Variants in CENPU observed in about 807,000 individuals in gnomAD.
CENPU encodes the protein centromere protein U.
A neutral mutation model predicts 56.7 loss-of-function variants in CENPU; 46 were observed. That is an observed-to-expected ratio of 0.81 (90% CI 0.64 to 1.04). The LOEUF is 1.04. Ranked by LOEUF, CENPU falls within the 50% of genes least tolerant of loss-of-function variation. CENPU has a pLI of 0.00. For missense variants in CENPU, 510 were observed against 490.1 expected, an observed-to-expected ratio of 1.04 and a Z score of -0.38; for synonymous variants, 166 against 163.0, an observed-to-expected ratio of 1.02 and a Z score of -0.14.
intron 7 of CENPU, 72 bp from the exon 8 acceptor site, chr4:184,710,252 G>A: frequency 1.1e-6 from 1 of 932,070 alleles, no homozygotes; most frequent in South Asian, 1.6e-5. Flanking sequence ...CTGAAAGCCT[G>A]ACACAAAAAT....
At chr4:184,720,917 G>T (rs1272183060) in intron 4 of CENPU, among the ~76,000 whole-genome samples, 1 of 152,106 alleles carries the variant, frequency 6.6e-6, no homozygotes, top group Non-Finnish European at 1.5e-5. Flanking sequence ...GGACATTAAT[G>T]AGCAGTATAA....
intron 2 of CENPU, among the ~76,000 whole-genome samples, chr4:184,729,397 T>C (rs1761562788): frequency 6.6e-6 from 1 of 152,232 alleles, no homozygotes; most frequent in Middle Eastern, 3.2e-3. Flanking sequence ...GTAAGGTTTC[T>C]GTTTTGACTA....
At chr4:184,726,690 T>C (rs1332373632) in intron 3 of CENPU, among the ~76,000 whole-genome samples, 3 of 152,172 alleles carry the variant, frequency 2.0e-5, no homozygotes, top group Non-Finnish European at 2.9e-5. Context: ...TTAGTATTAA[T>C]AGCAGAATTA....
At position 184,730,917 on chromosome 4, in the gene CENPU, T is replaced by C. The variant is rs1050213777; in HGVS notation, c.96+3A>G. 6 of 1,578,224 alleles carry C rather than the reference T, an allele frequency of 3.8e-6. No individual in the cohort carries two copies. The highest frequency in any genetic ancestry group is 5.1e-6 in the Non-Finnish European group (6 of 1,169,682). ...AAAACCACAACACAAAAAGGTAACTTACATCTTTCATGGAATGTGTTCTTT... is the reference window on the plus strand; with the variant it reads ...AAAACCACAACACAAAAAGGTAACTCACATCTTTCATGGAATGTGTTCTTT... On this transcript the variant is annotated splice_donor_region_variant and intron_variant, in intron 2 of 12. Transcript: ENST00000281453.
intron 1 of CENPU, 135 bp downstream of exon 1, chr4:184,733,881 G>T (rs1227512275): frequency 1.7e-6 from 2 of 1,172,044 alleles, no homozygotes; most frequent in African/African-American, 1.5e-5. Flanking sequence ...GGAAGCCGGG[G>T]ACCCGGGCGA....
At chr4:184,705,078 T>C (rs1380571626) in intron 8 of CENPU, among the ~76,000 whole-genome samples, 4 of 152,102 alleles carry the variant, frequency 2.6e-5, no homozygotes, top group Non-Finnish European at 5.9e-5. Context: ...TGGGCATTTA[T>C]CCCAGAGAAA....
intron 5 of CENPU, 142 bp from the exon 6 acceptor site, chr4:184,716,775 T>C: frequency 1.5e-6 from 1 of 667,856 alleles, no homozygotes; most frequent in Non-Finnish European, 2.5e-6. Context: ...AGACGGCAAC[T>C]TAATTAGTGG....
At position 184,694,802 on chromosome 4, in the gene CENPU, G is replaced by T. The variant is rs561146556; in HGVS notation, c.*486C>A. ...TAACTAATTCACTATGAACACTTTT[G>T]TCACCAGGCTATAATTTGCCTGATG... On this transcript the variant is annotated 3_prime_UTR_variant, in exon 13 of 13. Coordinates refer to ENST00000281453, the MANE Select transcript of CENPU (RefSeq NM_024629.4). 1 of 1,581,734 alleles carries T rather than the reference G, an allele frequency of 6.3e-7. No homozygotes were observed. Among genetic ancestry groups the T allele is most frequent in the Non-Finnish European group, 8.7e-7 (1 of 1,153,728 alleles).
chr4:184,734,052 C>A lies in CENPU; in HGVS notation c.11G>T (p.Arg4Leu). The change falls in exon 1 of 13, where the codon CGG becomes CTG. Residue 4 changes from arginine to leucine, a missense_variant. Transcript: ENST00000281453. Reference sequence around the variant, plus strand: ...GTGAGGCCGCGGCCGCCGCCGCCCCCGCGGGGCCATGGTGCCGCTCTCCGC... The same window carrying A: ...GTGAGGCCGCGGCCGCCGCCGCCCCAGCGGGGCCATGGTGCCGCTCTCCGC... MAP[R>L]GRRRPRPHRS... 1 of 1,568,294 alleles carries A rather than the reference C, an allele frequency of 6.4e-7. No homozygotes were observed. Among genetic ancestry groups the A allele is most frequent in the Non-Finnish European group, 8.6e-7 (1 of 1,158,560 alleles).
intron 4 of CENPU, among the ~76,000 whole-genome samples, chr4:184,724,603 T>C (rs1288665019): frequency 6.6e-6 from 1 of 152,206 alleles, no homozygotes; most frequent in African/African-American, 2.4e-5. Context: ...CAAGGAAACA[T>C]CTCATTTGTG....
At chr4:184,702,543 AC>A (rs1760571063) in intron 8 of CENPU, 102 bp from the exon 9 acceptor site, 3 of 684,054 alleles carry the variant, frequency 4.4e-6, no homozygotes, top group Non-Finnish European at 7.1e-6. Context: ...TTTGGCATAT[AC>A]CTTTTTTTAT....
rs538916980 is a variant in CENPU, at chr4:184,707,533, A to C, written c.797+2539T>G. Among the ~76,000 whole-genome samples, 269 of 152,292 alleles carry C rather than the reference A, an allele frequency of 1.8e-3. 1 individual carries two copies. The highest frequency in any genetic ancestry group is 2.6e-3 in the Non-Finnish European group (176 of 68,018). ...CCCCCATGCTGGAGAATGATGACCC[A>C]GAGTCCATCTTTTCTTCCTGCTGCT... On this transcript the variant is annotated intron_variant, in intron 8 of 12. Coordinates refer to ENST00000281453, the MANE Select transcript of CENPU (RefSeq NM_024629.4).
chr4:184,700,087 A>G (rs996594344), intron 11 of CENPU, among the ~76,000 whole-genome samples: 1 of 152,190 alleles, frequency 6.6e-6, no homozygotes, highest in Non-Finnish European at 1.5e-5. Flanking sequence ...CAGACACCAC[A>G]TCTAGCACTG....
intron 3 of CENPU, among the ~76,000 whole-genome samples, chr4:184,726,505 G>A (rs2150228965): frequency 6.6e-6 from 1 of 152,194 alleles, no homozygotes; most frequent in East Asian, 1.9e-4. Context: ...AATAGCAAGT[G>A]TAGGCAAGGA....
chr4:184,729,064 G>A lies in CENPU; in HGVS notation c.97-29C>T, dbSNP rs184412708. ...AAAGTGAATAAAGTTGAGTCATTGA[G>A]TTGGCTCTCACAAAGAACAATAGGT... On this transcript the variant is annotated intron_variant, in intron 2 of 12. Transcript: ENST00000281453. 104 of 1,523,534 alleles carry A rather than the reference G, an allele frequency of 6.8e-5. No individual in the cohort carries two copies. In the East Asian group the frequency reaches 7.0e-4, roughly 10 times the overall value. 94.4% of individuals were successfully genotyped at this position (1,523,534 alleles called of 1,614,324 possible).
chr4:184,712,993 C>A lies in CENPU; in HGVS notation c.639G>T (p.Lys213Asn). The change falls in exon 7 of 13, where the codon AAG becomes AAT. Residue 213 changes from lysine to asparagine, a missense_variant. By Grantham distance (94) the Lys-to-Asn change is moderately conservative. Transcript: ENST00000281453. The stretch of plus-strand genomic sequence containing the variant: ...ATTTCTTCCTTTTGTCATGAGATAT[C>A]TTCCCTTTTTTCTGAGTTTTCTACA... The part of the protein sequence containing the change: ...ESQSKTQKKG[K>N]ISHDKRKKSR... The A allele has an allele frequency of 6.3e-7, 1 of 1,585,812 alleles. No homozygotes were observed. Among genetic ancestry groups the A allele is most frequent in the Admixed American group, 1.7e-5 (1 of 57,462 alleles).
At chr4:184,733,928 C>A in intron 1 of CENPU, 88 bp downstream of exon 1, 1 of 1,566,948 alleles carries the variant, frequency 6.4e-7, no homozygotes. Flanking sequence ...GGAGCACCAA[C>A]AGCGCCGGGA....
chr4:184,700,550 A>C lies in CENPU; in HGVS notation c.986+270T>G, dbSNP rs73873083. 3.8e-3 allele frequency among the ~76,000 whole-genome samples: 581 copies of C among 151,998 alleles called. 2 individuals carry two copies. The highest frequency in any genetic ancestry group is 0.013 in the African/African-American group (559 of 41,452). On this transcript the variant is annotated intron_variant, in intron 11 of 12. Coordinates refer to ENST00000281453, the MANE Select transcript of CENPU (RefSeq NM_024629.4). The stretch of plus-strand genomic sequence containing the variant: ...AAGCAGTTTAATGTGTAGATTCTAG[A>C]ATTCAACCCAGGCAGCTGAATTCTA...
Position 184,712,936 on chromosome 4 carries a change from T to C in CENPU, c.688+8A>G. On this transcript the variant is annotated splice_region_variant and intron_variant, in intron 7 of 12. Coordinates refer to ENST00000281453, the MANE Select transcript of CENPU (RefSeq NM_024629.4). Reference sequence around the variant, plus strand: ...ATGAGTGACAAAGTATAAAACATCATTCTCTACCTGAGCCTATGGCTTTAC... The same window carrying C: ...ATGAGTGACAAAGTATAAAACATCACTCTCTACCTGAGCCTATGGCTTTAC... The C allele has an allele frequency of 5.1e-6, 8 of 1,556,136 alleles. No individual in the cohort carries two copies. The highest frequency in any genetic ancestry group is 7.0e-6 in the Non-Finnish European group (8 of 1,140,442).
Sources: allele counts gnomAD v4.1 joint callset (sites outside exome capture counted in the v4.1 genomes callset), GRCh38; gene constraint gnomAD v4.1.1; transcripts MANE v1.5; gene names NCBI Gene and HGNC (gene_info 2026-07-23, HGNC 2026-07-21).